The following KCNMA1 variants were observed in gnomAD, a reference collection of about 807,000 sequenced individuals.
KCNMA1 encodes the protein Calcium-activated potassium channel subunit alpha-1.
A neutral mutation model predicts 140.0 loss-of-function variants in KCNMA1; 29 were observed. The ratio of observed to expected loss-of-function variants is 0.21; its 90% CI spans 0.15 to 0.28. KCNMA1 has a LOEUF of 0.28. KCNMA1 is among the 10% of genes least tolerant of loss of function. The probability of loss-of-function intolerance (pLI) is 1.00; values close to 1 mark genes in which losing one functional copy is unlikely to be tolerated. For missense variants in KCNMA1, 880 were observed against 1,602.2 expected (o/e 0.55, Z 7.70); for synonymous variants, 612 against 611.9 (o/e 1.00, Z 0.00).
intron 25 of KCNMA1, 122 bp downstream of exon 25, chr10:76,909,844 G>C (rs975620464): frequency 3.4e-5 from 34 of 1,000,162 alleles, no homozygotes; most frequent in Non-Finnish European, 4.4e-5. Flanking sequence ...TCTAAGGTGT[G>C]AGCTTCTAGG....
intron 17 of KCNMA1, among the ~76,000 whole-genome samples, chr10:77,016,953 A>G (rs2092160840): frequency 6.6e-6 from 1 of 152,014 alleles, no homozygotes; most frequent in African/African-American, 2.4e-5. Context: ...CAAATCTCCA[A>G]TGTCCTTTCT....
chr10:77,564,080 A>G (rs934186538), intron 1 of KCNMA1, among the ~76,000 whole-genome samples: 2 of 152,256 alleles, frequency 1.3e-5, no homozygotes, highest in Admixed American at 1.3e-4. Flanking sequence ...CCTTGGGGCT[A>G]AAGTCCAAGA....
chr10:77,178,608 G>A (rs892381965), intron 5 of KCNMA1, among the ~76,000 whole-genome samples: 1 of 152,172 alleles, frequency 6.6e-6, no homozygotes, highest in African/African-American at 2.4e-5. Flanking sequence ...GGGAGGCTGA[G>A]GCAGGAGAAT....
intron 3 of KCNMA1, among the ~76,000 whole-genome samples, chr10:77,242,899 TACACACACACACACACACACAC>T (rs199668848): frequency 9.0e-6 from 1 of 111,578 alleles, no homozygotes; most frequent in Admixed American, 1.0e-4. Flanking sequence ...AATTGTTTCC[TACACACACACACACACACACAC>T]ACACACACAC....
intron 5 of KCNMA1, among the ~76,000 whole-genome samples, chr10:77,168,139 G>A (rs1358089768): frequency 6.6e-6 from 1 of 152,156 alleles, no homozygotes; most frequent in Admixed American, 6.5e-5. Flanking sequence ...TGGGTATATA[G>A]TAGTAATTAA....
At chr10:77,042,082 C>G (rs1290293303) in intron 14 of KCNMA1, among the ~76,000 whole-genome samples, 2 of 152,154 alleles carry the variant, frequency 1.3e-5, no homozygotes, top group Non-Finnish European at 2.9e-5. Flanking sequence ...TGAGCTGCTT[C>G]CAGCCTACTC....
At chr10:76,952,004 G>T in intron 21 of KCNMA1, 1 of 1,546,044 alleles carries the variant, frequency 6.5e-7, no homozygotes, top group Non-Finnish European at 8.8e-7. Flanking sequence ...GTTAAATGAT[G>T]TTATTTTTCA....
intron 1 of KCNMA1, among the ~76,000 whole-genome samples, chr10:77,426,428 C>A (rs1386429570): frequency 6.6e-6 from 1 of 152,080 alleles, no homozygotes; most frequent in African/African-American, 2.4e-5. Flanking sequence ...ATTATTATGC[C>A]CATTTTACGG....
chr10:77,273,896 A>G (rs1334012186), intron 2 of KCNMA1, among the ~76,000 whole-genome samples: 2 of 152,210 alleles, frequency 1.3e-5, no homozygotes, highest in Non-Finnish European at 2.9e-5. Context: ...CTAGTGGGGA[A>G]GGCACCACTT....
At chr10:76,938,053 T>C (rs535513147) in intron 23 of KCNMA1, among the ~76,000 whole-genome samples, 14 of 152,188 alleles carry the variant, frequency 9.2e-5, no homozygotes, top group African/African-American at 3.1e-4. Context: ...GGCTCAGCTT[T>C]TGGTTCTCCG....
intron 2 of KCNMA1, among the ~76,000 whole-genome samples, chr10:77,365,864 TAAC>T (rs938105320): frequency 8.5e-5 from 13 of 152,302 alleles, no homozygotes; most frequent in African/African-American, 2.9e-4. Context: ...GATCCTTCAC[TAAC>T]AAGTTCTATA....
chr10:77,479,743 G>C (rs889441838), intron 1 of KCNMA1, among the ~76,000 whole-genome samples: 2 of 152,174 alleles, frequency 1.3e-5, no homozygotes, highest in Non-Finnish European at 2.9e-5. Context: ...CTGGTCATTC[G>C]TTCCTCCAGA....
chr10:77,293,230 T>C (rs768810862), intron 2 of KCNMA1, among the ~76,000 whole-genome samples: 5 of 152,176 alleles, frequency 3.3e-5, no homozygotes, highest in Admixed American at 6.5e-5. Context: ...CTTTGGCCAA[T>C]GTATAGGGAA....
At chr10:77,094,960 A>G (rs1205703841) in intron 9 of KCNMA1, among the ~76,000 whole-genome samples, 5 of 152,230 alleles carry the variant, frequency 3.3e-5, no homozygotes, top group Admixed American at 2.6e-4. Flanking sequence ...CTTGGCCCCC[A>G]AAGTGCTGAG....
intron 1 of KCNMA1, among the ~76,000 whole-genome samples, chr10:77,430,927 C>T (rs2097140091): frequency 1.3e-5 from 2 of 152,176 alleles, no homozygotes; most frequent in Admixed American, 1.3e-4. Flanking sequence ...ATTCACAGAT[C>T]GTCACCAACA....
intron 5 of KCNMA1, among the ~76,000 whole-genome samples, chr10:77,175,507 GA>G (rs2098744863): frequency 6.6e-6 from 1 of 152,154 alleles, no homozygotes; most frequent in African/African-American, 2.4e-5. Flanking sequence ...GGGACATAGC[GA>G]AAAACAAGGG....
chr10:77,065,754 T>G (rs2095913733), intron 14 of KCNMA1, among the ~76,000 whole-genome samples: 1 of 152,186 alleles, frequency 6.6e-6, no homozygotes, highest in Non-Finnish European at 1.5e-5. Context: ...GGTTGTACAT[T>G]TATTACATGC....
At chr10:77,633,049 C>T in intron 1 of KCNMA1, among the ~76,000 whole-genome samples, 1 of 152,312 alleles carries the variant, frequency 6.6e-6, no homozygotes, top group South Asian at 2.1e-4. Context: ...GGACGCCGTG[C>T]CTCACGCCTG....
chr10:77,249,850 G>C (rs917870983), intron 3 of KCNMA1: 4 of 152,178 alleles, frequency 2.6e-5, no homozygotes, highest in Non-Finnish European at 1.5e-5. Flanking sequence ...TGGCTCGGGA[G>C]AGCTGATGGA....
Sources: gnomAD v4.1 joint callset for allele counts (sites outside exome capture counted in the v4.1 genomes callset) on GRCh38, gnomAD v4.1.1 for gene constraint, MANE v1.5 for transcripts, NCBI Gene and HGNC (gene_info 2026-07-23, HGNC 2026-07-21) for gene names.